The following ILKAP variants were observed in gnomAD, a reference collection of about 807,000 sequenced individuals.
ILKAP encodes the protein ILK associated serine/threonine phosphatase.
ILKAP carries 11 observed loss-of-function variants against 49.1 expected under a neutral mutation model. The observed-to-expected ratio is 0.22, with a 90% CI of 0.14 to 0.37. ILKAP has a LOEUF of 0.37. ILKAP is among the 10% of genes least tolerant of loss of function. The pLI is 1.00. For synonymous variants in ILKAP, 186 were observed against 192.8 expected (o/e 0.96, Z 0.29); for missense variants, 363 against 510.8 (o/e 0.71, Z 2.79).
chr2:238,186,061 C>T (rs1370626813), intron 5 of ILKAP: 1 of 152,188 alleles, frequency 6.6e-6, no homozygotes, highest in African/African-American at 2.4e-5. Context: ...ACAAACAGAT[C>T]AAGTTATTTA....
intron 1 of ILKAP, among the ~76,000 whole-genome samples, chr2:238,202,406 AG>A (rs1252892134): frequency 6.6e-6 from 1 of 152,154 alleles, no homozygotes; most frequent in African/African-American, 2.4e-5. Context: ...TACCGTAATT[AG>A]TACCCTTCAG....
At chr2:238,203,014 A>G (rs150891501) in intron 1 of ILKAP, among the ~76,000 whole-genome samples, 1 of 152,288 alleles carries the variant, frequency 6.6e-6, no homozygotes, top group East Asian at 1.9e-4. Flanking sequence ...CAGTGCAAAT[A>G]AAAACGCCAA....
intron 4 of ILKAP, chr2:238,188,481 C>T (rs1162514579): frequency 4.2e-6 from 2 of 474,200 alleles, no homozygotes; most frequent in African/African-American, 3.9e-5. Context: ...TGCACAGGGA[C>T]ACAAAAGAGG....
chr2:238,173,998 G>A (rs925364063), intron 9 of ILKAP: 3 of 225,180 alleles, frequency 1.3e-5, no homozygotes, highest in Admixed American at 1.1e-4. Context: ...CTGGGTAAGG[G>A]AGCCTGGCAG....
intron 7 of ILKAP, 95 bp downstream of exon 7, chr2:238,183,925 T>C: frequency 3.1e-6 from 3 of 972,854 alleles, no homozygotes; most frequent in Non-Finnish European, 4.9e-6. Context: ...TTTCAGACAG[T>C]GAGCAATAGT....
At chr2:238,183,792 G>C (rs753145268) in intron 7 of ILKAP, 52 bp from the exon 8 acceptor site, 8 of 1,353,870 alleles carry the variant, frequency 5.9e-6, no homozygotes, top group Non-Finnish European at 7.3e-6. Context: ...CCAGCACTTT[G>C]AGACTAATTT....
chr2:238,199,171 AC>A (rs1446287489), intron 1 of ILKAP, among the ~76,000 whole-genome samples: 1 of 152,196 alleles, frequency 6.6e-6, no homozygotes, highest in African/African-American at 2.4e-5. Context: ...CAACAGCCAC[AC>A]ATGGGAAGCA....
chr2:238,195,238 G>C (rs1280356862), intron 1 of ILKAP, among the ~76,000 whole-genome samples: 1 of 152,122 alleles, frequency 6.6e-6, no homozygotes, highest in Non-Finnish European at 1.5e-5. Flanking sequence ...TCTAGACCAG[G>C]AAAACAATAC....
rs1423014486 is a variant in ILKAP, at chr2:238,170,940, C to T, written c.1038+3G>A. On this transcript the variant is annotated splice_donor_region_variant and intron_variant, in intron 11 of 11. Coordinates refer to ENST00000254654, the MANE Select transcript of ILKAP (RefSeq NM_030768.3). ...ACCACCACCCCCGTGTGAGATTTCT[C>T]ACCTCGAGACAGGACAAGATGAAGT... 1.2e-6 allele frequency: 2 copies of T among 1,613,466 alleles called. No individual in the cohort carries two copies. The highest frequency in any genetic ancestry group is 1.7e-6 in the Non-Finnish European group (2 of 1,179,428).
intron 3 of ILKAP, 44 bp from the exon 4 acceptor site, chr2:238,190,016 G>T (rs750274960): frequency 1.3e-6 from 2 of 1,598,408 alleles, no homozygotes; most frequent in Non-Finnish European, 1.7e-6. Context: ...GCTGTAGACT[G>T]TTGGAAAAAG....
In ILKAP at chr2:238,194,889, G is replaced by A. The variant is rs367972870; in HGVS notation, c.56-19C>T. On this transcript the variant is annotated intron_variant, in intron 1 of 11. Transcript: ENST00000254654. ...TCTTTCCCTAAAACACAGAAAACCT[G>A]TTTAGAGAGCATATGGTCATCACCC... 1 of 1,588,236 alleles carries A rather than the reference G, an allele frequency of 6.3e-7. No homozygotes were observed. The highest frequency in any genetic ancestry group is 8.6e-7 in the Non-Finnish European group (1 of 1,156,280).
At chr2:238,177,793 T>C (rs933001580) in intron 9 of ILKAP, among the ~76,000 whole-genome samples, 3 of 152,216 alleles carry the variant, frequency 2.0e-5, no homozygotes, top group Non-Finnish European at 2.9e-5. Context: ...GGTATGCAAA[T>C]ATCTGTTCGT....
intron 9 of ILKAP, among the ~76,000 whole-genome samples, chr2:238,177,292 G>T (rs919138900): frequency 6.6e-6 from 1 of 152,158 alleles, no homozygotes; most frequent in Non-Finnish European, 1.5e-5. Flanking sequence ...GCATGCAACA[G>T]GGAGTTTTTC....
chr2:238,192,998 G>C (rs1694202381), intron 3 of ILKAP, among the ~76,000 whole-genome samples: 1 of 149,898 alleles, frequency 6.7e-6, no homozygotes, highest in Non-Finnish European at 1.5e-5. Context: ...GGGTGAGAGT[G>C]TGAGACTCCG....
At chr2:238,198,108 A>G (rs1694419926) in intron 1 of ILKAP, among the ~76,000 whole-genome samples, 2 of 152,220 alleles carry the variant, frequency 1.3e-5, no homozygotes, top group South Asian at 4.1e-4. Context: ...CTGAGATTTT[A>G]TAAAATCTCT....
intron 9 of ILKAP, 65 bp from the exon 10 acceptor site, chr2:238,173,718 T>G (rs1443674992): frequency 1.9e-6 from 3 of 1,540,966 alleles, no homozygotes; most frequent in Non-Finnish European, 2.7e-6. Flanking sequence ...GTACTTAGAA[T>G]CTCACCTTAA....
At chr2:238,170,874 A>G (rs758593480) in intron 11 of ILKAP, 69 bp downstream of exon 11, 2 of 1,507,978 alleles carry the variant, frequency 1.3e-6, no homozygotes, top group East Asian at 2.3e-5. Flanking sequence ...ATGGGGTCTC[A>G]GAACTTCTAC....
intron 8 of ILKAP, 92 bp from the exon 9 acceptor site, chr2:238,182,278 A>G: frequency 1.4e-6 from 2 of 1,452,102 alleles, no homozygotes; most frequent in Non-Finnish European, 1.9e-6. Context: ...ATGGAGTTTG[A>G]AGAAAACAGT....
intron 10 of ILKAP, 119 bp from the exon 11 acceptor site, chr2:238,171,143 T>G (rs1693199130): frequency 6.1e-6 from 4 of 655,694 alleles, no homozygotes; most frequent in Non-Finnish European, 1.0e-5. Context: ...AAGGCTAAGG[T>G]TTTTTTTTTC....
Sources: gnomAD v4.1 joint callset for allele counts (sites outside exome capture counted in the v4.1 genomes callset) on GRCh38, gnomAD v4.1.1 for gene constraint, MANE v1.5 for transcripts, NCBI Gene and HGNC (gene_info 2026-07-23, HGNC 2026-07-21) for gene names.